The following UGGT2 variants were observed in gnomAD, a reference collection of about 807,000 sequenced individuals.
The protein encoded by UGGT2 is UDP-glucose glycoprotein glucosyltransferase 2, also known as UDP-glucose:glycoprotein glucosyltransferase 2.
Under a neutral mutation model 192.1 loss-of-function variants are expected in UGGT2, and 180 were observed. That is an observed-to-expected ratio of 0.94 (90% CI 0.83 to 1.06). The LOEUF is 1.06. Among genes scored for constraint, UGGT2 ranks in the 50% least tolerant of loss-of-function variants. The probability of loss-of-function intolerance (pLI) is 0.00; values close to 1 mark genes in which losing one functional copy is unlikely to be tolerated. For missense variants in UGGT2, 1,849 were observed against 1,795.7 expected (o/e 1.03, Z -0.54); for synonymous variants, 580 against 591.0 (o/e 0.98, Z 0.27).
At chr13:96,046,283 T>C (rs192892066) in intron 1 of UGGT2, among the ~76,000 whole-genome samples, 3 of 152,252 alleles carry the variant, frequency 2.0e-5, no homozygotes, top group East Asian at 1.9e-4. Flanking sequence ...GCAAGCCACA[T>C]GTAGGAGAAT....
intron 20 of UGGT2, among the ~76,000 whole-genome samples, chr13:95,918,656 G>T (rs2048752719): frequency 6.6e-6 from 1 of 151,778 alleles, no homozygotes; most frequent in African/African-American, 2.4e-5. Flanking sequence ...AAAGAGAGAA[G>T]AATCCAATAA....
At chr13:95,841,861 A>T (rs1293905146) in intron 36 of UGGT2, among the ~76,000 whole-genome samples, 31 of 152,138 alleles carry the variant, frequency 2.0e-4, no homozygotes, top group Non-Finnish European at 2.9e-5. Flanking sequence ...GTTAATTTTT[A>T]TATATGATGT....
intron 15 of UGGT2, among the ~76,000 whole-genome samples, chr13:95,943,895 T>A (rs1159158270): frequency 6.6e-6 from 1 of 152,058 alleles, no homozygotes; most frequent in Admixed American, 6.5e-5. Flanking sequence ...ACTGCTAAGA[T>A]GTGCTGTCAT....
At chr13:95,903,590 T>G (rs551841047) in intron 20 of UGGT2, among the ~76,000 whole-genome samples, 1 of 143,342 alleles carries the variant, frequency 7.0e-6, no homozygotes, top group East Asian at 2.0e-4. Context: ...TCATGCAGTA[T>G]TATTTTGTGT....
chr13:95,847,337 T>G (rs1377509759), intron 36 of UGGT2, among the ~76,000 whole-genome samples: 1 of 152,192 alleles, frequency 6.6e-6, no homozygotes, highest in Non-Finnish European at 1.5e-5. Flanking sequence ...CAGTTTACAT[T>G]AGACTTCTTT....
chr13:95,986,283 T>C (rs987024437), intron 9 of UGGT2, 50 bp downstream of exon 9: 2 of 1,283,336 alleles, frequency 1.6e-6, no homozygotes, highest in South Asian at 2.6e-5. Context: ...ATAAAACTCA[T>C]TTAATAGAAA....
rs189532427 is a variant in UGGT2 at position 96,013,554 on chromosome 13, G to C, written c.486-73C>G. 19 of 1,032,242 alleles carry C rather than the reference G, an allele frequency of 1.8e-5. No individual in the cohort carries two copies. In the African/African-American group the frequency reaches 3.0e-4, roughly 16 times the overall value. 63.9% of individuals were successfully genotyped at this position (1,032,242 alleles called of 1,614,324 possible). On this transcript the variant is annotated intron_variant, in intron 4 of 38. Coordinates refer to ENST00000376747, the MANE Select transcript of UGGT2 (RefSeq NM_020121.4). Reference sequence around the variant, plus strand: ...GGCATATCAATTCTGTATAATTACTGCTTATCAAACAATTCATAATATACA... The same window carrying C: ...GGCATATCAATTCTGTATAATTACTCCTTATCAAACAATTCATAATATACA...
intron 12 of UGGT2, among the ~76,000 whole-genome samples, chr13:95,950,144 A>G (rs950722182): frequency 6.6e-6 from 1 of 152,170 alleles, no homozygotes; most frequent in African/African-American, 2.4e-5. Context: ...ATGCAGGGTG[A>G]GAGGGTAGGA....
At chr13:95,826,156 T>C (rs1315957416) in intron 38 of UGGT2, among the ~76,000 whole-genome samples, 3 of 152,252 alleles carry the variant, frequency 2.0e-5, no homozygotes, top group East Asian at 1.9e-4. Flanking sequence ...GTTGATAAAA[T>C]GCAACCAATT....
In UGGT2 at chr13:95,844,109, C is replaced by T. The variant is rs185521794; in HGVS notation, c.4285-6907G>A. Among the ~76,000 whole-genome samples the T allele has an allele frequency of 1.0e-3, 155 of 151,756 alleles. 2 individuals are homozygous for T. In the East Asian group the frequency reaches 0.016, roughly 15 times the overall value. ...CCAAGTAGCTGGAATTACAGGTGCC[C>T]GCCACCATGCCCAGCTAATTTTTTA... On this transcript the variant is annotated intron_variant, in intron 36 of 38. Transcript: ENST00000376747.
intron 38 of UGGT2, among the ~76,000 whole-genome samples, chr13:95,826,565 C>T (rs1272187040): frequency 2.0e-5 from 3 of 151,880 alleles, no homozygotes; most frequent in Admixed American, 1.3e-4. Flanking sequence ...TCTTTATGTA[C>T]AAGCAACCAC....
At chr13:95,912,234 C>T (rs927532019) in intron 20 of UGGT2, among the ~76,000 whole-genome samples, 3 of 152,132 alleles carry the variant, frequency 2.0e-5, no homozygotes, top group Non-Finnish European at 4.4e-5. Flanking sequence ...AAGTTCTGGC[C>T]AGGGCAGTCA....
chr13:95,862,977 C>G (rs1266249077), intron 31 of UGGT2, among the ~76,000 whole-genome samples: 1 of 152,150 alleles, frequency 6.6e-6, no homozygotes, highest in Admixed American at 6.6e-5. Context: ...ATCCTCCCAC[C>G]TCAGTCTTCT....
At chr13:95,902,176 C>A (rs1238100057) in intron 21 of UGGT2, among the ~76,000 whole-genome samples, 2 of 152,098 alleles carry the variant, frequency 1.3e-5, no homozygotes, top group Non-Finnish European at 2.9e-5. Context: ...CTCAAGTGGA[C>A]CCTCAGCAAT....
chr13:95,970,326 G>A (rs1434145104), intron 11 of UGGT2, 64 bp from the exon 12 acceptor site: 1 of 1,434,918 alleles, frequency 7.0e-7, no homozygotes, highest in Non-Finnish European at 9.6e-7. Context: ...ATGTTTTAAA[G>A]TTTGATAGTC....
At chr13:95,818,788 C>A (rs2139778243) in intron 38 of UGGT2, among the ~76,000 whole-genome samples, 1 of 152,072 alleles carries the variant, frequency 6.6e-6, no homozygotes, top group Non-Finnish European at 1.5e-5. Context: ...GTGGCGTCAC[C>A]TGGGATGGCA....
At chr13:95,894,277 C>T (rs2047885696) in intron 24 of UGGT2, among the ~76,000 whole-genome samples, 2 of 151,994 alleles carry the variant, frequency 1.3e-5, no homozygotes, top group Admixed American at 6.6e-5. Context: ...TGAGATACTG[C>T]AAAAATTACA....
At position 96,012,864 on chromosome 13, in the gene UGGT2, G is replaced by A. The variant is rs894778242; in HGVS notation, c.660+443C>T. Among the ~76,000 whole-genome samples the A allele has an allele frequency of 9.0e-4, 137 of 151,852 alleles. 11 individuals carry two copies. Among genetic ancestry groups the A allele is most frequent in the Non-Finnish European group, 2.7e-4 (18 of 67,924 alleles). ...AAAAATGTGATAGTGTCATAGCAAC[G>A]GCAGGCTAGAGGAACGGGAACAATA... is the stretch of plus-strand genomic sequence containing the variant. On this transcript the variant is annotated intron_variant, in intron 5 of 38. Transcript: ENST00000376747.
intron 4 of UGGT2, among the ~76,000 whole-genome samples, chr13:96,020,078 C>T (rs952915892): frequency 1.3e-5 from 2 of 152,152 alleles, no homozygotes; most frequent in Non-Finnish European, 2.9e-5. Flanking sequence ...ATACCTGATA[C>T]CATGCTAGGG....
Sources: allele counts gnomAD v4.1 joint callset (sites outside exome capture counted in the v4.1 genomes callset), GRCh38; gene constraint gnomAD v4.1.1; transcripts MANE v1.5; gene names NCBI Gene and HGNC (gene_info 2026-07-23, HGNC 2026-07-21).